Variants in PTPRT observed in about 807,000 individuals in gnomAD.
The protein encoded by PTPRT is protein tyrosine phosphatase receptor type T.
A neutral mutation model predicts 176.8 loss-of-function variants in PTPRT; 56 were observed. That is an observed-to-expected ratio of 0.32 (90% CI 0.26 to 0.40). The LOEUF is 0.40. Among genes scored for constraint, PTPRT ranks in the 10% least tolerant of loss-of-function variants. The pLI is 1.00. For synonymous variants in PTPRT, 783 were observed against 739.0 expected (o/e 1.06, Z -0.96); for missense variants, 1,540 against 1,908.2 (o/e 0.81, Z 3.60).
intron 1 of PTPRT, among the ~76,000 whole-genome samples, chr20:42,988,425 G>T (rs1291330838): frequency 2.0e-5 from 3 of 152,168 alleles, no homozygotes; most frequent in Non-Finnish European, 2.9e-5. Context: ...TGCTCCACGG[G>T]TCTGCTCTCT....
chr20:43,189,468 C>A lies in PTPRT; in HGVS notation c.88+178G>T, dbSNP rs1346704566. 2.0e-5 allele frequency among the ~76,000 whole-genome samples: 3 copies of A among 152,038 alleles called. No individual in the cohort carries two copies. Among genetic ancestry groups the A allele is most frequent in the Non-Finnish European group, 4.4e-5 (3 of 67,942 alleles). ...GGACGCGAGGGGCCGGGCTCGCTGG[C>A]CGGGGCGCGCGGGGACACTGCTTCC... On this transcript the variant is annotated intron_variant, in intron 1 of 30. Transcript: ENST00000373187. This position sits in a 1 kb window ranked among gnomAD's most constrained non-coding sequence, Gnocchi z 5.0.
intron 1 of PTPRT, among the ~76,000 whole-genome samples, chr20:42,964,566 A>G (rs547321668): frequency 6.6e-6 from 1 of 152,126 alleles, no homozygotes; most frequent in African/African-American, 2.4e-5. Flanking sequence ...ATTTAATACA[A>G]CTCTCTTTAA....
At chr20:42,927,777 A>G (rs1979581627) in intron 1 of PTPRT, among the ~76,000 whole-genome samples, 1 of 152,182 alleles carries the variant, frequency 6.6e-6, no homozygotes, top group African/African-American at 2.4e-5. Flanking sequence ...TGGCCCAGGT[A>G]TGGTACAGTG....
intron 17 of PTPRT, among the ~76,000 whole-genome samples, chr20:42,154,567 A>G (rs1190734686): frequency 1.3e-5 from 2 of 152,198 alleles, no homozygotes; most frequent in African/African-American, 4.8e-5. Flanking sequence ...AATAGTCTTA[A>G]TGGAGCTGTA....
At chr20:43,021,966 G>C (rs1453951554) in intron 1 of PTPRT, among the ~76,000 whole-genome samples, 1 of 152,134 alleles carries the variant, frequency 6.6e-6, no homozygotes, top group Non-Finnish European at 1.5e-5. Context: ...GAAGAGCAGG[G>C]AAAAGGACAA....
intron 25 of PTPRT, among the ~76,000 whole-genome samples, chr20:42,104,087 T>A (rs1000329561): frequency 2.6e-5 from 4 of 152,206 alleles, no homozygotes; most frequent in African/African-American, 9.6e-5. Flanking sequence ...TAGCCCCCAA[T>A]GTGATGGTAT....
At chr20:42,697,328 T>G (rs1234185992) in intron 6 of PTPRT, among the ~76,000 whole-genome samples, 1 of 152,188 alleles carries the variant, frequency 6.6e-6, no homozygotes, top group Non-Finnish European at 1.5e-5. Flanking sequence ...TTAATGCACT[T>G]CAAGTGTGTC....
chr20:42,604,923 T>C (rs1173139171), intron 7 of PTPRT, among the ~76,000 whole-genome samples: 1 of 152,164 alleles, frequency 6.6e-6, no homozygotes, highest in African/African-American at 2.4e-5. Context: ...TTTCAGGCAT[T>C]GACAAGAAAC....
chr20:42,048,883 G>A, the PTPRT span, among the ~76,000 whole-genome samples: 4 of 152,116 alleles, frequency 2.6e-5, no homozygotes, highest in Admixed American at 6.5e-5. Context: ...GTGCAGTGGC[G>A]CAATCTCGGC....
chr20:42,740,858 G>A (rs567942268), intron 6 of PTPRT, among the ~76,000 whole-genome samples: 20 of 152,108 alleles, frequency 1.3e-4, no homozygotes, highest in Admixed American at 4.6e-4. Flanking sequence ...GGATGGCAAG[G>A]GCACTTGTAA....
chr20:42,791,413 G>T lies in PTPRT; in HGVS notation c.268C>A (p.Leu90Ile), dbSNP rs547588566. The T allele has an allele frequency of 6.2e-7, 1 of 1,613,956 alleles. No homozygotes were observed. The highest frequency in any genetic ancestry group is 1.7e-5 in the Admixed American group (1 of 60,008). ...SGRASGQKAHLLLPTLKENDT... is the reference protein window; with the variant it reads ...SGRASGQKAHILLPTLKENDT... ...TTCTCCTTCAGGGTTGGCAGGAGAA[G>T]GTGGGCCTTCTGGCCAGAGGCTCTC... Residue 90 changes from leucine to isoleucine, a missense_variant, in exon 3 of 31, where the codon CTT becomes ATT. Around this residue, in one of 11 missense-constraint regions of PTPRT, gnomAD observed 116 missense variants for 118.5 expected, o/e 0.98. Coordinates refer to ENST00000373187, the MANE Select transcript of PTPRT (RefSeq NM_007050.6).
intron 18 of PTPRT, among the ~76,000 whole-genome samples, chr20:42,133,306 T>C (rs575366180): frequency 6.6e-6 from 1 of 152,326 alleles, no homozygotes; most frequent in South Asian, 2.1e-4. Context: ...AACCTCACTG[T>C]AAGTGAAGGA....
chr20:42,274,088 A>G (rs2147015356), intron 13 of PTPRT, among the ~76,000 whole-genome samples: 1 of 152,372 alleles, frequency 6.6e-6, no homozygotes, highest in African/African-American at 2.4e-5. Context: ...GGTCCTGTTT[A>G]CATATATGGT....
chr20:42,876,176 T>C (rs991872628), intron 2 of PTPRT, among the ~76,000 whole-genome samples: 3 of 152,140 alleles, frequency 2.0e-5, no homozygotes. Flanking sequence ...TTTTTAAGAA[T>C]AAATATATAA....
intron 28 of PTPRT, 75 bp downstream of exon 28, chr20:42,085,653 C>A: frequency 1.3e-6 from 2 of 1,582,196 alleles, no homozygotes; most frequent in Non-Finnish European, 1.7e-6. Context: ...GCTGGCTCAG[C>A]GGGATCCTCT....
At chr20:43,135,880 CAG>C (rs2013816673) in intron 1 of PTPRT, among the ~76,000 whole-genome samples, 1 of 152,186 alleles carries the variant, frequency 6.6e-6, no homozygotes, top group Non-Finnish European at 1.5e-5. Flanking sequence ...TTTCAGAAGG[CAG>C]AGTCACATGG....
At chr20:42,373,362 A>G (rs1447214666) in intron 9 of PTPRT, among the ~76,000 whole-genome samples, 2 of 152,172 alleles carry the variant, frequency 1.3e-5, no homozygotes, top group Non-Finnish European at 2.9e-5. Context: ...ATAAATATTC[A>G]TTTTTAATCC....
chr20:42,271,795 T>G (rs1050154184), intron 13 of PTPRT, among the ~76,000 whole-genome samples: 2 of 152,236 alleles, frequency 1.3e-5, no homozygotes, highest in Admixed American at 1.3e-4. Context: ...GTCCAGGGAC[T>G]GCAGCTTTCT....
At chr20:42,980,529 G>A (rs568361045) in intron 1 of PTPRT, among the ~76,000 whole-genome samples, 7 of 152,232 alleles carry the variant, frequency 4.6e-5, no homozygotes, top group African/African-American at 1.2e-4. Flanking sequence ...ATTCAAATTC[G>A]AAGACAAATT....
Sources: allele counts gnomAD v4.1 joint callset (sites outside exome capture counted in the v4.1 genomes callset), GRCh38; gene constraint gnomAD v4.1.1; regional missense constraint gnomAD v4.1.1; non-coding constraint Gnocchi (gnomAD v3.1); transcripts MANE v1.5; gene names NCBI Gene and HGNC (gene_info 2026-07-23, HGNC 2026-07-21).